ZNF616: variants seen among roughly 807,000 people sequenced by gnomAD.
ZNF616 encodes zinc finger protein 616.
Under a neutral mutation model 7.6 loss-of-function variants are expected in ZNF616, and 5 were observed. The ratio of observed to expected loss-of-function variants is 0.66; its 90% CI spans 0.34 to 1.38. The LOEUF (loss-of-function observed/expected upper bound fraction) is 1.38, where lower values mean the gene tolerates loss of function less well. ZNF616 is among the 40% of genes most tolerant of loss of function. The pLI is 0.04. For missense variants in ZNF616, 913 were observed against 948.3 expected (o/e 0.96, Z 0.49); for synonymous variants, 319 against 317.2 (o/e 1.01, Z -0.06).
intron 1 of ZNF616, among the ~76,000 whole-genome samples, chr19:52,135,247 A>C (rs970239344): frequency 6.6e-6 from 1 of 152,082 alleles, no homozygotes; most frequent in African/African-American, 2.4e-5. Context: ...ACATGCCCCA[A>C]CAACTCATAA....
intron 2 of ZNF616, among the ~76,000 whole-genome samples, chr19:52,125,365 G>A (rs527682192): frequency 5.3e-5 from 8 of 152,342 alleles, no homozygotes; most frequent in East Asian, 3.9e-4. Context: ...CAACGGTGGC[G>A]TAGACACAGG....
In ZNF616 at chr19:52,114,978, A is replaced by C. The variant is rs1472244421; in HGVS notation, c.2186T>G (p.Leu729Trp). The C allele has an allele frequency of 1.9e-6, 3 of 1,614,094 alleles. No homozygotes were observed. Among genetic ancestry groups the C allele is most frequent in the African/African-American group, 2.7e-5 (2 of 74,942 alleles). ...CIECGKAFGRLFSLSKHQRIH... is the reference protein window; with the variant it reads ...CIECGKAFGRWFSLSKHQRIH... ...TCTTTGGTGTTTGCTGAGGGAAAAC[A>C]ACCGCCCAAAGGCTTTGCCACATTC... Residue 729 changes from leucine (L) to tryptophan (W), a missense_variant, in exon 4 of 4, where the codon TTG becomes TGG. Transcript: ENST00000600228.
chr19:52,119,561 G>A (rs897051872), intron 3 of ZNF616, among the ~76,000 whole-genome samples: 2 of 152,068 alleles, frequency 1.3e-5, no homozygotes, highest in Admixed American at 6.6e-5. Context: ...GGCCAGGGAA[G>A]AGAAAAGGCA....
intron 2 of ZNF616, among the ~76,000 whole-genome samples, chr19:52,126,292 G>A (rs1406595539): frequency 6.6e-6 from 1 of 152,110 alleles, no homozygotes; most frequent in Non-Finnish European, 1.5e-5. Flanking sequence ...CTTTCAGAAC[G>A]CCAGGCAGGA....
In ZNF616 at chr19:52,115,968, T is replaced by C. The variant is rs1324995527; in HGVS notation, c.1196A>G (p.His399Arg). The change falls in exon 4 of 4, where the codon CAT becomes CGT. Residue 399 changes from histidine (H) to arginine (R), a missense_variant. His to Arg is a conservative substitution (Grantham distance 29). Coordinates refer to ENST00000600228, the MANE Select transcript of ZNF616 (RefSeq NM_178523.5). The part of the protein sequence containing the change: ...VFSKRSSLAV[H>R]RRIHTVEKPC... ...TTTCTCTACAGTGTGAATTCGTCGA[T>C]GCACTGCAAGACTTGAACGTTTACT... is the stretch of plus-strand genomic sequence containing the variant. The C allele has an allele frequency of 2.5e-6, 4 of 1,614,136 alleles. No individual in the cohort carries two copies. In the Admixed American group the frequency reaches 5.0e-5, roughly 20 times the overall value.
intron 3 of ZNF616, among the ~76,000 whole-genome samples, chr19:52,120,880 C>T (rs2088859889): frequency 1.3e-5 from 2 of 152,168 alleles, no homozygotes; most frequent in Non-Finnish European, 2.9e-5. Flanking sequence ...CAACGGACCA[C>T]TTTTATAAAT....
chr19:52,116,712 A>G lies in ZNF616; in HGVS notation c.452T>C (p.Leu151Pro), dbSNP rs1346004535. The change falls in exon 4 of 4, where the codon CTG becomes CCG. Residue 151 changes from leucine (L) to proline (P), a missense_variant. By Grantham distance (98) the Leu-to-Pro change is moderately conservative. Coordinates refer to ENST00000600228, the MANE Select transcript of ZNF616 (RefSeq NM_178523.5). The part of the protein sequence containing the change: ...TSNFESRLAE[L>P]QKVQTEGRLY... The stretch of plus-strand genomic sequence containing the variant: ...TCTCCCTTCAGTTTGAACTTTCTGC[A>G]GTTCAGCCAGACGTGACTCAAAGTT... 1.2e-6 allele frequency: 2 copies of G among 1,614,060 alleles called. No individual in the cohort carries two copies. Among genetic ancestry groups the G allele is most frequent in the Non-Finnish European group, 1.7e-6 (2 of 1,180,042 alleles).
At position 52,113,165 on chromosome 19, in the gene ZNF616, T is replaced by G. The variant is rs2088786206; in HGVS notation, c.*1653A>C. ...TGCTCCTTTAAAATACATACTGTCC[T>G]GAGTTTTAACAAATGTTGTCTGGTA... On this transcript the variant is annotated 3_prime_UTR_variant, in exon 4 of 4. Transcript: ENST00000600228. 1 of 152,224 alleles carries G rather than the reference T, an allele frequency of 6.6e-6. No homozygotes were observed. The highest frequency in any genetic ancestry group is 1.5e-5 in the Non-Finnish European group (1 of 68,036). 9.4% of individuals were successfully genotyped at this position (152,224 alleles called of 1,614,324 possible).
At chr19:52,137,122 T>TA in intron 1 of ZNF616, among the ~76,000 whole-genome samples, 1 of 149,922 alleles carries the variant, frequency 6.7e-6, no homozygotes, top group East Asian at 2.0e-4. Context: ...TATTCAACCA[T>TA]AAAAAAGAAA....
chr19:52,125,172 C>T (rs2088895255), intron 2 of ZNF616, among the ~76,000 whole-genome samples: 1 of 152,290 alleles, frequency 6.6e-6, no homozygotes, highest in Middle Eastern at 3.4e-3. Context: ...TGCATTCCAT[C>T]CCAATGGCCC....
At chr19:52,128,930 T>C (rs772714415) in intron 2 of ZNF616, among the ~76,000 whole-genome samples, 70 of 151,828 alleles carry the variant, frequency 4.6e-4, no homozygotes, top group Non-Finnish European at 7.7e-4. Context: ...CCCTCTGTTT[T>C]GGCCAGAACA....
At chr19:52,118,151 C>T (rs1283406667) in intron 3 of ZNF616, among the ~76,000 whole-genome samples, 1 of 152,092 alleles carries the variant, frequency 6.6e-6, no homozygotes, top group Non-Finnish European at 1.5e-5. Context: ...TCCTATGTTG[C>T]TCAGGCTGAT....
At chr19:52,126,109 T>G (rs147173533) in intron 2 of ZNF616, among the ~76,000 whole-genome samples, 162 of 152,108 alleles carry the variant, frequency 1.1e-3, no homozygotes, top group African/African-American at 3.7e-3. Context: ...AATGCTGAAG[T>G]CACAAAAGAA....
intron 3 of ZNF616, among the ~76,000 whole-genome samples, chr19:52,119,647 C>T (rs1021953123): frequency 3.3e-5 from 5 of 151,958 alleles, no homozygotes; most frequent in South Asian, 4.2e-4. Context: ...ATAATTTCAC[C>T]AGGAACAGTT....
rs1055658792 is a variant in ZNF616, at chr19:52,139,289, G to C, written c.-77+443C>G. Among the ~76,000 whole-genome samples, 2 of 152,124 alleles carry C rather than the reference G, an allele frequency of 1.3e-5. No individual in the cohort carries two copies. Among genetic ancestry groups the C allele is most frequent in the Admixed American group, 6.5e-5 (1 of 15,274 alleles). ...ACAGTGGGTGTCACAAGACAGACTC[G>C]GGTGACCTCCTGCAACGCGGAGTCA... On this transcript the variant is annotated intron_variant, in intron 1 of 3. Transcript: ENST00000600228. The surrounding 1 kb of genome is among the most constrained non-coding windows in gnomAD (Gnocchi z 4.1).
intron 1 of ZNF616, among the ~76,000 whole-genome samples, chr19:52,132,570 T>C (rs67170112): frequency 0.081 from 12,299 of 152,172 alleles, 726 homozygotes; most frequent in South Asian, 0.31. Flanking sequence ...TTTATCACAG[T>C]GAGTTCTCAC....
In ZNF616 at chr19:52,116,083, C is replaced by T; in HGVS notation, c.1081G>A (p.Ala361Thr). 1 of 1,614,168 alleles carries T rather than the reference C, an allele frequency of 6.2e-7. No homozygotes were observed. Among genetic ancestry groups the T allele is most frequent in the African/African-American group, 1.3e-5 (1 of 75,032 alleles). The change falls in exon 4 of 4, where the codon GCA becomes ACA. Residue 361 changes from alanine (A) to threonine (T), a missense_variant. Ala to Thr is a moderately conservative substitution (Grantham distance 58). Coordinates refer to ENST00000600228, the MANE Select transcript of ZNF616 (RefSeq NM_178523.5). ...KPYKCDVCGK[A>T]FRHRSNLVCH... ...ACAAGATTTGATCTATGTCTGAATG[C>T]CTTGCCACATACATCACATTTATAT...
At chr19:52,135,228 C>G (rs1231954726) in intron 1 of ZNF616, among the ~76,000 whole-genome samples, 1 of 152,060 alleles carries the variant, frequency 6.6e-6, no homozygotes, top group Non-Finnish European at 1.5e-5. Context: ...TATCGTGCTA[C>G]GAAATCCCAC....
intron 1 of ZNF616, chr19:52,138,879 T>C (rs2089035220): frequency 1.3e-5 from 2 of 152,456 alleles, no homozygotes; most frequent in African/African-American, 4.8e-5. Flanking sequence ...CACGTGGCTC[T>C]GTCAGCCGCG....
Sources: allele counts gnomAD v4.1 joint callset (sites outside exome capture counted in the v4.1 genomes callset), GRCh38; gene constraint gnomAD v4.1.1; non-coding constraint Gnocchi (gnomAD v3.1); transcripts MANE v1.5; gene names NCBI Gene and HGNC (gene_info 2026-07-23, HGNC 2026-07-21).